Variants in SORBS2 observed in about 807,000 individuals in gnomAD.
SORBS2 encodes sorbin and SH3 domain containing 2, also known as sorbin and SH3 domain-containing protein 2.
A neutral mutation model predicts 97.7 loss-of-function variants in SORBS2; 46 were observed. The ratio of observed to expected loss-of-function variants is 0.47; its 90% CI spans 0.37 to 0.60. The LOEUF is 0.60. Among genes scored for constraint, SORBS2 ranks in the 20% least tolerant of loss-of-function variants. The probability of loss-of-function intolerance (pLI) is 0.00; values close to 1 mark genes in which losing one functional copy is unlikely to be tolerated. For synonymous variants in SORBS2, 476 were observed against 473.4 expected (o/e 1.01, Z -0.07); for missense variants, 1,316 against 1,282.3 (o/e 1.03, Z -0.40).
intron 2 of SORBS2, among the ~76,000 whole-genome samples, chr4:185,724,378 A>G (rs2098540633): frequency 6.6e-6 from 1 of 151,872 alleles, no homozygotes; most frequent in African/African-American, 2.4e-5. Context: ...AATAGTCTTC[A>G]TAGCCACCAG....
intron 2 of SORBS2, among the ~76,000 whole-genome samples, chr4:185,698,582 G>C (rs2098213526): frequency 6.6e-6 from 1 of 152,142 alleles, no homozygotes. Flanking sequence ...ACAGTACCCT[G>C]CTTAATTAAG....
At chr4:185,904,479 G>A (rs1032365128) in intron 1 of SORBS2, among the ~76,000 whole-genome samples, 28 of 152,112 alleles carry the variant, frequency 1.8e-4, no homozygotes, top group Admixed American at 1.2e-3. Flanking sequence ...CTGTAAGAAC[G>A]GTAAAAAGCC....
At chr4:185,731,858 CTCTCTCTCTATATATATA>C (rs1290490222) in intron 2 of SORBS2, among the ~76,000 whole-genome samples, 95 of 36,072 alleles carry the variant, frequency 2.6e-3, no homozygotes, top group African/African-American at 3.0e-3. Flanking sequence ...CTCTCTCTCT[CTCTCTCTCTATATATATA>C]TATATATATA....
intron 1 of SORBS2, among the ~76,000 whole-genome samples, chr4:185,837,052 A>G (rs1391246554): frequency 2.0e-5 from 3 of 152,204 alleles, no homozygotes; most frequent in Non-Finnish European, 4.4e-5. Context: ...GGTTTTGAAG[A>G]GAGACTTTAT....
At chr4:185,772,334 C>T (rs147734723) in intron 2 of SORBS2, 1 of 152,266 alleles carries the variant, frequency 6.6e-6, no homozygotes, top group African/African-American at 2.4e-5. Flanking sequence ...CAGTACTGAA[C>T]TTCTCAATGC....
chr4:185,879,546 A>G (rs945817995), intron 1 of SORBS2, among the ~76,000 whole-genome samples: 11 of 152,196 alleles, frequency 7.2e-5, no homozygotes, highest in South Asian at 4.1e-4. Context: ...GTAATGGGAT[A>G]GCTGGGTCAA....
rs1393842186 is a variant in SORBS2, at chr4:185,607,944, G to A, written c.2796+3836C>T. On this transcript the variant is annotated intron_variant, in intron 12 of 14. Transcript: ENST00000418609. This position sits in a 1 kb window ranked among gnomAD's most constrained non-coding sequence, Gnocchi z 5.2. ...CTGACCTCGTGACCCACCCACCTCA[G>A]CCTCCCAAAGTGCTGGGGTTACAGG... is the stretch of plus-strand genomic sequence containing the variant. 6.6e-6 allele frequency among the ~76,000 whole-genome samples: 1 copy of A among 152,142 alleles called. No homozygotes were observed. Among genetic ancestry groups the A allele is most frequent in the Non-Finnish European group, 1.5e-5 (1 of 68,032 alleles).
At chr4:185,867,849 C>T (rs1215133891) in intron 1 of SORBS2, among the ~76,000 whole-genome samples, 2 of 152,128 alleles carry the variant, frequency 1.3e-5, no homozygotes, top group African/African-American at 4.8e-5. Context: ...GGGGCACCTA[C>T]ACCTCGAGGG....
chr4:185,663,980 G>C (rs1006711126), intron 4 of SORBS2, among the ~76,000 whole-genome samples: 1 of 146,888 alleles, frequency 6.8e-6, no homozygotes, highest in Non-Finnish European at 1.5e-5. Flanking sequence ...TCAGCCTCCC[G>C]AGTAGTTGGG....
At chr4:185,644,314 T>A (rs1031270181) in intron 4 of SORBS2, among the ~76,000 whole-genome samples, 5 of 152,130 alleles carry the variant, frequency 3.3e-5, no homozygotes, top group Non-Finnish European at 5.9e-5. Flanking sequence ...GGCTCCAGAG[T>A]TTCCTGTCTT....
intron 12 of SORBS2, among the ~76,000 whole-genome samples, chr4:185,610,614 C>CT (rs1302894857): frequency 1.3e-5 from 2 of 152,148 alleles, no homozygotes; most frequent in African/African-American, 2.4e-5. Context: ...ATTCTTAGAT[C>CT]ATTTCCTCAT....
At chr4:185,677,998 G>A (rs1205244836) in intron 4 of SORBS2, among the ~76,000 whole-genome samples, 1 of 151,958 alleles carries the variant, frequency 6.6e-6, no homozygotes, top group Admixed American at 6.6e-5. Context: ...TAATAGCATT[G>A]TTTTATAACA....
chr4:185,656,537 C>A, intron 1 of SORBS2: 2 of 1,062,544 alleles, frequency 1.9e-6, no homozygotes, highest in South Asian at 1.6e-5. Flanking sequence ...CAGCTCTTGG[C>A]CACACCCCAG....
At chr4:185,920,961 T>C (rs907642366) in intron 1 of SORBS2, among the ~76,000 whole-genome samples, 5 of 152,132 alleles carry the variant, frequency 3.3e-5, no homozygotes, top group African/African-American at 1.2e-4. Flanking sequence ...AGGGTTTGAG[T>C]AGCGAATAGG....
chr4:185,825,065 C>T (rs1585253813), intron 1 of SORBS2, among the ~76,000 whole-genome samples: 2 of 152,312 alleles, frequency 1.3e-5, no homozygotes, highest in East Asian at 3.9e-4. Context: ...ATTCTGCACC[C>T]TCCCCTGGGT....
intron 2 of SORBS2, among the ~76,000 whole-genome samples, chr4:185,704,712 A>AG (rs1307703141): frequency 6.6e-6 from 1 of 152,154 alleles, no homozygotes; most frequent in African/African-American, 2.4e-5. Flanking sequence ...TCAACTCTCC[A>AG]TGTTTTGAGA....
chr4:185,611,842 G>T lies in SORBS2; in HGVS notation c.2734C>A (p.Pro912Thr), dbSNP rs139337570. ...TAGCTGTGGGGTATTGGAGGGTCAG[G>T]GTAGTCCTCAGCACCTTTTGTGTTC... Residue 912 changes from proline (P) to threonine (T), a missense_variant, in exon 12 of 15, where the codon CCT becomes ACT. Physicochemically the swap from Pro to Thr is conservative, Grantham distance 38 (BLOSUM62 -1). Transcript: ENST00000418609. 19 of 1,613,940 alleles carry T rather than the reference G, an allele frequency of 1.2e-5. No individual in the cohort carries two copies. In the Admixed American group the frequency reaches 2.8e-4, roughly 24 times the overall value.
intron 1 of SORBS2, among the ~76,000 whole-genome samples, chr4:185,865,313 C>T (rs2099226263): frequency 6.6e-6 from 1 of 152,194 alleles, no homozygotes; most frequent in African/African-American, 2.4e-5. Context: ...ATTTCAGGGA[C>T]TCCACTGTGG....
At position 185,805,846 on chromosome 4, in the gene SORBS2, G is replaced by C. The variant is rs1463649406; in HGVS notation, c.-337-30480C>G. Among the ~76,000 whole-genome samples the C allele has an allele frequency of 2.6e-5, 4 of 152,326 alleles. No individual in the cohort carries two copies. The East Asian group carries it at 7.7e-4, about 29-fold the overall frequency. ...TGGAAAGTGCTCAAACCCTTCACCA[G>C]ATGACACAGTTATAGCACAACAACA... On this transcript the variant is annotated intron_variant, in intron 1 of 20. Transcript: ENST00000284776.
Sources: allele counts gnomAD v4.1 joint callset (sites outside exome capture counted in the v4.1 genomes callset), GRCh38; gene constraint gnomAD v4.1.1; non-coding constraint Gnocchi (gnomAD v3.1); transcripts MANE v1.5; gene names NCBI Gene and HGNC (gene_info 2026-07-23, HGNC 2026-07-21).